Variants in GRB7 observed in about 807,000 individuals in gnomAD.
GRB7 encodes growth factor receptor bound protein 7.
Under a neutral mutation model 64.1 loss-of-function variants are expected in GRB7, and 47 were observed. The observed-to-expected ratio is 0.73, with a 90% CI of 0.58 to 0.94. The LOEUF (loss-of-function observed/expected upper bound fraction) is 0.94, where lower values mean the gene tolerates loss of function less well. Among genes scored for constraint, GRB7 ranks in the 40% least tolerant of loss-of-function variants. The probability of loss-of-function intolerance (pLI) is 0.00; values close to 1 mark genes in which losing one functional copy is unlikely to be tolerated. For missense variants in GRB7, 634 were observed against 718.4 expected (o/e 0.88, Z 1.34); for synonymous variants, 277 against 279.9 (o/e 0.99, Z 0.10).
intron 14 of GRB7, 121 bp from the exon 15 acceptor site, chr17:39,746,628 AAG>A (rs1328299665): frequency 1.6e-4 from 197 of 1,211,830 alleles, no homozygotes; most frequent in African/African-American, 3.3e-4. Context: ...AAAAAAAAAA[AAG>A]AAAGAAAAAG....
chr17:39,746,125 G>C lies in GRB7; in HGVS notation c.1375G>C (p.Glu459Gln), dbSNP rs751936242. 1.9e-6 allele frequency: 3 copies of C among 1,613,994 alleles called. No homozygotes were observed. The South Asian group carries it at 3.3e-5, about 18-fold the overall frequency. Residue 459 changes from glutamate to glutamine, a missense_variant, in exon 14 of 15, where the codon GAG (glutamate) becomes CAG (glutamine). Physicochemically the swap from Glu to Gln is conservative, Grantham distance 29. Around this residue, in one of 2 missense-constraint regions of GRB7, gnomAD observed 467 missense variants for 576.6 expected, o/e 0.81. Transcript: ENST00000309156. Reference protein sequence around the residue: ...GLVDGLFLVRESQRNPQGFVL... With the variant: ...GLVDGLFLVRQSQRNPQGFVL... ...TTCTGGCAGCCTGTTCCTGGTCCGGGAGAGTCAGCGGAACCCCCAGGGCTT... is the reference window on the plus strand; with the variant it reads ...TTCTGGCAGCCTGTTCCTGGTCCGGCAGAGTCAGCGGAACCCCCAGGGCTT...
rs759457245 is a variant in GRB7, at chr17:39,742,207, C to T, written c.-50-45C>T. 17 of 1,396,246 alleles carry T rather than the reference C, an allele frequency of 1.2e-5. No homozygotes were observed. In the East Asian group the frequency reaches 2.1e-4, roughly 17 times the overall value. The allele number at this position is 1,396,246 out of a possible 1,614,324, so 86.5% of individuals were successfully genotyped here. A position where few individuals can be genotyped will look rare whatever the true frequency, so the allele number is the denominator to read the frequency against. Reference sequence around the variant, plus strand: ...AAACTCTGAGGGGCACCCTAACCGCCGTGTGAGGTCAGGAGGTCTGAATTC... The same window carrying T: ...AAACTCTGAGGGGCACCCTAACCGCTGTGTGAGGTCAGGAGGTCTGAATTC... On this transcript the variant is annotated intron_variant, in intron 1 of 14. Transcript: ENST00000309156.
rs745784580 is a variant in GRB7 at position 39,746,853 on chromosome 17, C to T, written c.1555C>T (p.Leu519=). The stretch of plus-strand genomic sequence containing the variant: ...GTTCCACCAGCTGAACCGCGGCATC[C>T]TGCCGTGCTTGCTGCGCCATTGCTG... ...VEFHQLNRGI[L]PCLLRHCCTR... is the part of the protein sequence containing the mutation. The change falls in exon 15 of 15, where the codon CTG becomes TTG. Residue 519 remains leucine (L), a synonymous_variant. Transcript: ENST00000309156. 1 of 1,613,382 alleles carries T rather than the reference C, an allele frequency of 6.2e-7. No homozygotes were observed.
At chr17:39,744,860 G>A (rs1339538562) in intron 8 of GRB7, 26 bp from the exon 9 acceptor site, 6 of 1,588,632 alleles carry the variant, frequency 3.8e-6, no homozygotes, top group Non-Finnish European at 5.2e-6. Context: ...GCAGATATGG[G>A]ACCAGTCAAT....
chr17:39,743,481 C>A lies in GRB7; in HGVS notation c.663+11C>A. 1 of 1,610,988 alleles carries A rather than the reference C, an allele frequency of 6.2e-7. No homozygotes were observed. The highest frequency in any genetic ancestry group is 8.5e-7 in the Non-Finnish European group (1 of 1,177,274). On this transcript the variant is annotated intron_variant, in intron 6 of 14. Coordinates refer to ENST00000309156, the MANE Select transcript of GRB7 (RefSeq NM_005310.5). ...GAAGACCTCATCCAGGTGGGGGGAC[C>A]CCCCATTTCACTGCAGATTCACGAC...
chr17:39,739,551 T>C (rs2059978169), intron 1 of GRB7, among the ~76,000 whole-genome samples: 2 of 152,244 alleles, frequency 1.3e-5, no homozygotes, highest in Non-Finnish European at 2.9e-5. Context: ...TCCAGGCCCC[T>C]GGCCCAGGCC....
intron 10 of GRB7, 40 bp from the exon 11 acceptor site, chr17:39,745,381 TG>T: frequency 6.2e-7 from 1 of 1,608,588 alleles, no homozygotes; most frequent in East Asian, 2.2e-5. Flanking sequence ...TACGGGTACC[TG>T]GGCCCTGTTC....
At position 39,739,100 on chromosome 17, in the gene GRB7, C is replaced by T. The variant is rs1597901024; in HGVS notation, c.-51+967C>T. ...AGGTTCCCGGTCTGGGTCTCCCTGG[C>T]AGATTGAGGACAGAGAATGAATGCA... On this transcript the variant is annotated intron_variant, in intron 1 of 14. Transcript: ENST00000309156. 5.3e-5 allele frequency: 27 copies of T among 512,870 alleles called. No individual in the cohort carries two copies. In the South Asian group the frequency reaches 9.6e-4, roughly 18 times the overall value. 31.8% of individuals were successfully genotyped at this position (512,870 alleles called of 1,614,324 possible). A position where few individuals can be genotyped will look rare whatever the true frequency, so the allele number is the denominator to read the frequency against.
chr17:39,744,727 C>A, intron 8 of GRB7, 64 bp downstream of exon 8: 1 of 1,439,660 alleles, frequency 6.9e-7, no homozygotes, highest in Non-Finnish European at 9.6e-7. Flanking sequence ...GCCCCTGGAT[C>A]CTGCCCGGGG....
At position 39,743,178 on chromosome 17, in the gene GRB7, A is replaced by C; in HGVS notation, c.464-2A>C. On this transcript the variant is annotated splice_acceptor_variant, in intron 4 of 14. Transcript: ENST00000309156. LOFTEE classifies it high-confidence loss of function. ...ACCCCTGCTTTTTGCCCTTGTCCCC[A>C]GAGCGGGGTTTGGAGGACCACGAGT... is the stretch of plus-strand genomic sequence containing the variant. 1 of 1,614,076 alleles carries C rather than the reference A, an allele frequency of 6.2e-7. No individual in the cohort carries two copies. Among genetic ancestry groups the C allele is most frequent in the South Asian group, 1.1e-5 (1 of 91,082 alleles).
intron 7 of GRB7, 60 bp downstream of exon 7, chr17:39,744,267 C>T: frequency 6.3e-7 from 1 of 1,590,768 alleles, no homozygotes; most frequent in Middle Eastern, 2.1e-4. Context: ...TAGAAGTTGC[C>T]CCTTCTCTGC....
rs1470605979 is a variant in GRB7, at chr17:39,745,908, C to T, written c.1271-5C>T. On this transcript the variant is annotated splice_region_variant and splice_polypyrimidine_tract_variant and intron_variant, in intron 12 of 14. Transcript: ENST00000309156. ...AGTGACCGCCCATGTCCTTCCCCACCACAGCCATCCACCGCACCCAACTCT... is the reference window on the plus strand; with the variant it reads ...AGTGACCGCCCATGTCCTTCCCCACTACAGCCATCCACCGCACCCAACTCT... 3.1e-6 allele frequency: 5 copies of T among 1,613,960 alleles called. No homozygotes were observed. In the East Asian group the frequency reaches 8.9e-5, roughly 29 times the overall value.
chr17:39,738,700 C>A, intron 1 of GRB7: 1 of 490,542 alleles, frequency 2.0e-6, no homozygotes, highest in South Asian at 3.5e-5. Flanking sequence ...CCGGGGAGAG[C>A]CGCCCTCACT....
chr17:39,738,791 G>C (rs1567923570), intron 1 of GRB7: 2 of 966,714 alleles, frequency 2.1e-6, no homozygotes, highest in Non-Finnish European at 3.0e-6. Flanking sequence ...GGGGAGATGT[G>C]GGGAGGGCCC....
At position 39,744,675 on chromosome 17, in the gene GRB7, G is replaced by T; in HGVS notation, c.912+12G>T. 1 of 1,584,872 alleles carries T rather than the reference G, an allele frequency of 6.3e-7. No individual in the cohort carries two copies. Among genetic ancestry groups the T allele is most frequent in the Non-Finnish European group, 8.6e-7 (1 of 1,164,346 alleles). On this transcript the variant is annotated intron_variant, in intron 8 of 14. Coordinates refer to ENST00000309156, the MANE Select transcript of GRB7 (RefSeq NM_005310.5). ...GTTTCTGTGTCAAGGTGAAGACCTG[G>T]CCAGGCCTGGCCCCTGGCCTGGGGA... is the stretch of plus-strand genomic sequence containing the variant.
chr17:39,741,995 AG>A (rs68085543), intron 1 of GRB7, among the ~76,000 whole-genome samples: 3 of 116,382 alleles, frequency 2.6e-5, no homozygotes, highest in African/African-American at 1.0e-4. Flanking sequence ...AAAAAAAAGG[AG>A]AAAAAAAACA....
chr17:39,742,355 C>T lies in GRB7; in HGVS notation c.54C>T (p.Cys18=). The T allele has an allele frequency of 6.2e-7, 1 of 1,613,948 alleles. No homozygotes were observed. Among genetic ancestry groups the T allele is most frequent in the Non-Finnish European group, 8.5e-7 (1 of 1,179,870 alleles). The change falls in exon 2 of 15, where the codon TGC becomes TGT. Residue 18 remains cysteine (C), a synonymous_variant. Coordinates refer to ENST00000309156, the MANE Select transcript of GRB7 (RefSeq NM_005310.5). ...TTAGCAGCTCTCCGGAAGACCTTTG[C>T]CCAGCCCCTGGGACCCCTCCTGGGA... The part of the protein sequence containing the change: ...PHLSSSPEDL[C]PAPGTPPGTP...
At chr17:39,740,188 C>A in intron 1 of GRB7, 1 of 984,902 alleles carries the variant, frequency 1.0e-6, no homozygotes, top group South Asian at 4.7e-5. Context: ...GGAGGTTAGA[C>A]TGGGGTGGGA....
chr17:39,746,179 G>T lies in GRB7; in HGVS notation c.1429G>T (p.Val477Leu). Reference sequence around the variant, plus strand: ...CCTCTCTTTGTGCCACCTGCAGAAAGTGAAGCATTATCTCATCCTGCCGGT... The same window carrying T: ...CCTCTCTTTGTGCCACCTGCAGAAATTGAAGCATTATCTCATCCTGCCGGT... ...FVLSLCHLQKVKHYLILPSEE... is the reference protein window; with the variant it reads ...FVLSLCHLQKLKHYLILPSEE... Residue 477 changes from valine to leucine, a missense_variant, in exon 14 of 15, where the codon GTG (valine) becomes TTG (leucine). Physicochemically the swap from Val to Leu is conservative, Grantham distance 32 (BLOSUM62 1). Coordinates refer to ENST00000309156, the MANE Select transcript of GRB7 (RefSeq NM_005310.5). The T allele has an allele frequency of 6.2e-7, 1 of 1,614,024 alleles. No individual in the cohort carries two copies.
Sources: allele counts gnomAD v4.1 joint callset (sites outside exome capture counted in the v4.1 genomes callset), GRCh38; gene constraint gnomAD v4.1.1; regional missense constraint gnomAD v4.1.1; transcripts MANE v1.5; gene names NCBI Gene and HGNC (gene_info 2026-07-23, HGNC 2026-07-21).